Variants in FILIP1L observed in about 807,000 individuals in gnomAD.
FILIP1L encodes filamin A interacting protein 1 like.
In FILIP1L, 55 loss-of-function variants were observed where a neutral mutation model predicts 96.6. The observed-to-expected ratio is 0.57, with a 90% CI of 0.46 to 0.71. The LOEUF (loss-of-function observed/expected upper bound fraction) is 0.71, where lower values mean the gene tolerates loss of function less well. Among genes scored for constraint, FILIP1L ranks in the 30% least tolerant of loss-of-function variants. The pLI, the probability that FILIP1L is intolerant of heterozygous loss-of-function variation, is 0.00. For synonymous variants in FILIP1L, 467 were observed against 473.9 expected (o/e 0.99, Z 0.19); for missense variants, 1,304 against 1,321.2 (o/e 0.99, Z 0.20).
At chr3:99,942,797 C>T (rs570250715) in intron 1 of FILIP1L, among the ~76,000 whole-genome samples, 1 of 151,836 alleles carries the variant, frequency 6.6e-6, no homozygotes, top group East Asian at 1.9e-4. Flanking sequence ...CCACTGCACT[C>T]TAGCCTCGGC....
intron 1 of FILIP1L, among the ~76,000 whole-genome samples, chr3:100,094,872 T>C (rs1484681618): frequency 1.3e-5 from 2 of 151,882 alleles, no homozygotes; most frequent in African/African-American, 4.8e-5. Context: ...GTTTTTTTAG[T>C]AGAGACGGGG....
At chr3:99,833,317 A>G (rs1942762584) in intron 5 of FILIP1L, 2 of 1,470,786 alleles carry the variant, frequency 1.4e-6, no homozygotes, top group Non-Finnish European at 1.9e-6. Context: ...AAATTCTAAA[A>G]GTGTTGGTTT....
At chr3:99,835,325 A>G (rs1270957263) in intron 5 of FILIP1L, among the ~76,000 whole-genome samples, 2 of 152,170 alleles carry the variant, frequency 1.3e-5, no homozygotes, top group Non-Finnish European at 2.9e-5. Flanking sequence ...CAGAGACATT[A>G]TCTGTTCTTT....
intron 4 of FILIP1L, among the ~76,000 whole-genome samples, chr3:99,887,940 A>G (rs1705962409): frequency 6.6e-6 from 1 of 151,818 alleles, no homozygotes; most frequent in Non-Finnish European, 1.5e-5. Context: ...GGGTTTTGCC[A>G]TGTTGCCCAG....
At chr3:99,920,599 T>C (rs1389741059) in intron 4 of FILIP1L, among the ~76,000 whole-genome samples, 1 of 152,214 alleles carries the variant, frequency 6.6e-6, no homozygotes, top group Non-Finnish European at 1.5e-5. Flanking sequence ...CCGCACAGAT[T>C]ACAGCTAAGG....
At chr3:99,851,397 C>T (rs1576512454) in intron 4 of FILIP1L, among the ~76,000 whole-genome samples, 1 of 152,192 alleles carries the variant, frequency 6.6e-6, no homozygotes, top group Non-Finnish European at 1.5e-5. Context: ...AAAATAGCCA[C>T]AAGCTTGAGA....
chr3:99,900,577 A>C (rs1251430559), intron 4 of FILIP1L, among the ~76,000 whole-genome samples: 1 of 152,234 alleles, frequency 6.6e-6, no homozygotes, highest in African/African-American at 2.4e-5. Context: ...TGTTATAACT[A>C]AGGTGTAATT....
chr3:99,848,200 T>C, intron 5 of FILIP1L, 95 bp downstream of exon 5: 1 of 1,564,286 alleles, frequency 6.4e-7, no homozygotes. Context: ...TCTTGGGGGA[T>C]ATGGAGGGAT....
chr3:99,918,181 T>G (rs1707013085), intron 4 of FILIP1L, among the ~76,000 whole-genome samples: 1 of 152,150 alleles, frequency 6.6e-6, no homozygotes, highest in Non-Finnish European at 1.5e-5. Flanking sequence ...TTTCACCATT[T>G]TGGCCAGGCT....
rs145052775 is a variant in FILIP1L at position 100,027,075 on chromosome 3, C to T, written c.-11+86978G>A. Among the ~76,000 whole-genome samples the T allele has an allele frequency of 3.0e-4, 45 of 152,250 alleles. No homozygotes were observed. In the East Asian group the frequency reaches 8.3e-3, roughly 28 times the overall value. On this transcript the variant is annotated intron_variant, in intron 1 of 5. Transcript: ENST00000477258. ...CCCATTCATCCCCTGCATCCCTTTGCTTAAATGTCATCTTCTCAGTGAAAC... is the reference window on the plus strand; with the variant it reads ...CCCATTCATCCCCTGCATCCCTTTGTTTAAATGTCATCTTCTCAGTGAAAC...
At chr3:100,022,595 A>G (rs768938567) in intron 1 of FILIP1L, among the ~76,000 whole-genome samples, 2 of 152,322 alleles carry the variant, frequency 1.3e-5, no homozygotes, top group East Asian at 3.9e-4. Flanking sequence ...AAGTACATTC[A>G]TGGAATGGAC....
chr3:99,922,068 G>A (rs984084507), intron 4 of FILIP1L, among the ~76,000 whole-genome samples: 11 of 152,154 alleles, frequency 7.2e-5, no homozygotes, highest in African/African-American at 2.7e-4. Context: ...CCATAAATCT[G>A]TATCATCTTG....
At chr3:99,887,010 G>A (rs1705923124) in intron 4 of FILIP1L, among the ~76,000 whole-genome samples, 1 of 151,034 alleles carries the variant, frequency 6.6e-6, no homozygotes. Context: ...GGTGGCTCAT[G>A]CCTGTAATCC....
At chr3:99,904,449 A>C (rs1018285532) in intron 4 of FILIP1L, among the ~76,000 whole-genome samples, 6 of 152,220 alleles carry the variant, frequency 3.9e-5, no homozygotes, top group African/African-American at 1.4e-4. Context: ...ATCAAATTAA[A>C]ATAGAGCTTT....
chr3:99,961,088 C>T (rs568235752), intron 1 of FILIP1L, among the ~76,000 whole-genome samples: 20 of 152,240 alleles, frequency 1.3e-4, no homozygotes, highest in African/African-American at 4.6e-4. Flanking sequence ...TTATGCACAG[C>T]CCAAATGACG....
In FILIP1L at chr3:99,924,198, A is replaced by G. The variant is rs775787553; in HGVS notation, c.605+32T>C. The G allele has an allele frequency of 1.9e-6, 3 of 1,594,682 alleles. No individual in the cohort carries two copies. In the African/African-American group the frequency reaches 4.0e-5, roughly 21 times the overall value. ...ACAGTGGCCAGCTCATAGATTGCAG[A>G]ATGGGACATTGTTTGCCCAAAGCAG... On this transcript the variant is annotated intron_variant, in intron 4 of 5. Coordinates refer to ENST00000477258, the MANE Select transcript of FILIP1L (RefSeq NM_001387850.1).
At chr3:100,103,417 G>C (rs2107461690) in intron 1 of FILIP1L, among the ~76,000 whole-genome samples, 1 of 152,344 alleles carries the variant, frequency 6.6e-6, no homozygotes, top group Middle Eastern at 3.4e-3. Context: ...AAGCAAACTA[G>C]TGTTGGGATA....
chr3:99,919,249 C>T (rs972724299), intron 4 of FILIP1L, among the ~76,000 whole-genome samples: 1 of 151,840 alleles, frequency 6.6e-6, no homozygotes, highest in Non-Finnish European at 1.5e-5. Context: ...AATGTTATTA[C>T]ATTAGTTTAC....
At chr3:99,998,028 G>T (rs1444974161) in intron 1 of FILIP1L, among the ~76,000 whole-genome samples, 1 of 152,224 alleles carries the variant, frequency 6.6e-6, no homozygotes, top group Non-Finnish European at 1.5e-5. Flanking sequence ...GTTAACTGGT[G>T]TGGAAAACTT....
Sources: gnomAD v4.1 joint callset for allele counts (sites outside exome capture counted in the v4.1 genomes callset) on GRCh38, gnomAD v4.1.1 for gene constraint, MANE v1.5 for transcripts, NCBI Gene and HGNC (gene_info 2026-07-23, HGNC 2026-07-21) for gene names.